Variants in POU6F2 observed in about 807,000 individuals in gnomAD.
POU6F2 encodes the protein POU domain, class 6, transcription factor 2.
A neutral mutation model predicts 71.3 loss-of-function variants in POU6F2; 31 were observed. That is an observed-to-expected ratio of 0.43 (90% confidence interval 0.33 to 0.59). POU6F2 has a LOEUF of 0.59. POU6F2 is among the 20% of genes least tolerant of loss of function. The pLI is 0.04. For missense variants in POU6F2, 783 were observed against 856.8 expected (o/e 0.91, Z 1.07); for synonymous variants, 347 against 355.7 (o/e 0.98, Z 0.27).
At chr7:39,108,209 G>A (rs1791731085) in intron 2 of POU6F2, among the ~76,000 whole-genome samples, 1 of 152,180 alleles carries the variant, frequency 6.6e-6, no homozygotes, top group Non-Finnish European at 1.5e-5. Flanking sequence ...CATAGTCTTG[G>A]CATGGAGTGT....
intron 4 of POU6F2, among the ~76,000 whole-genome samples, chr7:39,305,434 A>T (rs974149596): frequency 2.0e-5 from 3 of 152,198 alleles, no homozygotes; most frequent in African/African-American, 7.2e-5. Context: ...TATTTTTTTT[A>T]AAAAGTCAGA....
intron 5 of POU6F2, among the ~76,000 whole-genome samples, chr7:39,371,243 G>A (rs1208662386): frequency 6.6e-6 from 1 of 150,860 alleles, no homozygotes; most frequent in African/African-American, 2.4e-5. Context: ...GCAGTGGCAC[G>A]ATCTTGGCTC....
chr7:39,242,200 A>T (rs182281569), intron 4 of POU6F2, among the ~76,000 whole-genome samples: 2 of 152,158 alleles, frequency 1.3e-5, no homozygotes, highest in South Asian at 2.1e-4. Flanking sequence ...GTGAACATAA[A>T]TTTTTATTTA....
At chr7:39,420,605 A>G (rs1242417508) in intron 6 of POU6F2, among the ~76,000 whole-genome samples, 1 of 152,218 alleles carries the variant, frequency 6.6e-6, no homozygotes, top group Non-Finnish European at 1.5e-5. Context: ...AACATTGCTT[A>G]AAATGCTCCA....
intron 2 of POU6F2, among the ~76,000 whole-genome samples, chr7:39,099,609 G>A (rs1305255689): frequency 6.6e-6 from 1 of 152,200 alleles, no homozygotes; most frequent in Non-Finnish European, 1.5e-5. Context: ...GCTGCAGAAC[G>A]ATGGTAACCT....
chr7:39,130,160 GT>G (rs1792238549), intron 2 of POU6F2, among the ~76,000 whole-genome samples: 1 of 150,792 alleles, frequency 6.6e-6, no homozygotes, highest in Non-Finnish European at 1.5e-5. Context: ...GTGTGTGTGT[GT>G]GTGTGTGTGT....
At chr7:39,114,668 G>C (rs990642476) in intron 2 of POU6F2, among the ~76,000 whole-genome samples, 6 of 152,048 alleles carry the variant, frequency 3.9e-5, no homozygotes, top group Non-Finnish European at 7.4e-5. Flanking sequence ...CATTGGTCAG[G>C]TGCCAAATTA....
chr7:39,431,639 G>C (rs183598308), intron 6 of POU6F2, among the ~76,000 whole-genome samples: 1 of 152,282 alleles, frequency 6.6e-6, no homozygotes, highest in African/African-American at 2.4e-5. Context: ...GGATGGAAAA[G>C]CGAGCACGTG....
intron 4 of POU6F2, among the ~76,000 whole-genome samples, chr7:39,209,221 G>A (rs1311793326): frequency 6.6e-6 from 1 of 152,032 alleles, no homozygotes; most frequent in Non-Finnish European, 1.5e-5. Flanking sequence ...TTCATTATTA[G>A]CGTATAGTTT....
chr7:39,404,547 TGG>T (rs1468840763), intron 5 of POU6F2: 1 of 152,232 alleles, frequency 6.6e-6, no homozygotes, highest in Non-Finnish European at 1.5e-5. Flanking sequence ...CCAAAATTCA[TGG>T]ACCAAATCCA....
intron 4 of POU6F2, among the ~76,000 whole-genome samples, chr7:39,273,656 T>C (rs1784379531): frequency 6.6e-6 from 1 of 151,662 alleles, no homozygotes; most frequent in Non-Finnish European, 1.5e-5. Flanking sequence ...GGAAAAAGCC[T>C]GTAAGACTAG....
At chr7:39,316,436 C>T (rs986617869) in intron 4 of POU6F2, among the ~76,000 whole-genome samples, 5 of 152,142 alleles carry the variant, frequency 3.3e-5, no homozygotes, top group African/African-American at 1.2e-4. Flanking sequence ...GGACCTCAGG[C>T]AGTGTGGCTG....
At chr7:39,144,351 A>G (rs1792570693) in intron 2 of POU6F2, among the ~76,000 whole-genome samples, 1 of 152,216 alleles carries the variant, frequency 6.6e-6, no homozygotes, top group Admixed American at 6.5e-5. Flanking sequence ...AGAACTATGG[A>G]TAAACCTAAT....
intron 4 of POU6F2, among the ~76,000 whole-genome samples, chr7:39,300,962 T>G (rs1326583461): frequency 6.6e-6 from 1 of 152,216 alleles, no homozygotes; most frequent in Non-Finnish European, 1.5e-5. Flanking sequence ...GTTATTTTCC[T>G]TGAAATGCTG....
At chr7:39,170,371 G>A (rs1793195228) in intron 2 of POU6F2, among the ~76,000 whole-genome samples, 1 of 152,122 alleles carries the variant, frequency 6.6e-6, no homozygotes, top group African/African-American at 2.4e-5. Context: ...ACTACATGCT[G>A]TATATTGGTT....
chr7:39,339,246 AC>A (rs1785856222), intron 4 of POU6F2, among the ~76,000 whole-genome samples: 1 of 152,212 alleles, frequency 6.6e-6, no homozygotes. Context: ...TCAAACACTT[AC>A]CAAAACAACT....
chr7:39,207,259 T>TA, intron 3 of POU6F2, 133 bp from the exon 4 acceptor site: 1 of 722,768 alleles, frequency 1.4e-6, no homozygotes, highest in Non-Finnish European at 2.1e-6. Context: ...CATTTTTTTT[T>TA]AATGAGATAG....
chr7:39,119,779 A>G (rs1221440059), intron 2 of POU6F2, among the ~76,000 whole-genome samples: 1 of 152,228 alleles, frequency 6.6e-6, no homozygotes, highest in Non-Finnish European at 1.5e-5. Context: ...ATTCTCATTT[A>G]TGACCCAAAA....
chr7:39,308,273 C>T (rs1203265167), intron 4 of POU6F2, among the ~76,000 whole-genome samples: 1 of 152,208 alleles, frequency 6.6e-6, no homozygotes, highest in Non-Finnish European at 1.5e-5. Flanking sequence ...TACCCCCAAC[C>T]TAGGGCAGTG....
Sources: gnomAD v4.1 joint callset for allele counts (sites outside exome capture counted in the v4.1 genomes callset) on GRCh38, gnomAD v4.1.1 for gene constraint, MANE v1.5 for transcripts, NCBI Gene and HGNC (gene_info 2026-07-23, HGNC 2026-07-21) for gene names.